The following NAALADL2 variants were observed in gnomAD, a reference collection of about 807,000 sequenced individuals.
The protein encoded by NAALADL2 is inactive N-acetylated-alpha-linked acidic dipeptidase-like protein 2.
NAALADL2 carries 76 observed loss-of-function variants against 87.2 expected under a neutral mutation model. The ratio of observed to expected loss-of-function variants is 0.87; its 90% CI spans 0.72 to 1.05. The LOEUF (loss-of-function observed/expected upper bound fraction) is 1.05, where lower values mean the gene tolerates loss of function less well. Among genes scored for constraint, NAALADL2 ranks in the 50% least tolerant of loss-of-function variants. The pLI is 0.00. For missense variants in NAALADL2, 1,089 were observed against 945.8 expected, an observed-to-expected ratio of 1.15 and a Z score of -1.99; for synonymous variants, 354 against 331.0, an observed-to-expected ratio of 1.07 and a Z score of -0.75.
rs1268823393 is a variant in NAALADL2 at position 175,794,090 on chromosome 3, CTAAAGAACAATGGA to C, written c.2190-8914_2190-8901del. On this transcript the variant is annotated intron_variant, in intron 13 of 13. Transcript: ENST00000454872. ...TGTTTGCCAGAGGTAATGGAGGTAA[CTAAAGAACAATGGA>C]AAAAGGACAATGCAAATATCTGGAG... Among the ~76,000 whole-genome samples the C allele has an allele frequency of 2.0e-5, 3 of 152,198 alleles. No homozygotes were observed. The South Asian group carries it at 6.2e-4, about 32-fold the overall frequency.
chr3:174,923,446 A>G (rs1735532276), intron 1 of NAALADL2, among the ~76,000 whole-genome samples: 3 of 152,174 alleles, frequency 2.0e-5, no homozygotes, highest in African/African-American at 7.2e-5. Flanking sequence ...TCCAATTAAT[A>G]AAAGTAGAAG....
chr3:174,964,842 T>C (rs550280982), intron 1 of NAALADL2, among the ~76,000 whole-genome samples: 3 of 151,304 alleles, frequency 2.0e-5, no homozygotes, highest in Admixed American at 2.0e-4. Context: ...TATATATATT[T>C]GTGTTTGTGT....
chr3:174,947,138 G>T (rs1478003949), intron 1 of NAALADL2, among the ~76,000 whole-genome samples: 1 of 152,080 alleles, frequency 6.6e-6, no homozygotes, highest in African/African-American at 2.4e-5. Context: ...CTCTAGGAGG[G>T]TCAAATGTAT....
intron 3 of NAALADL2, among the ~76,000 whole-genome samples, chr3:174,810,156 G>C (rs1384750340): frequency 6.6e-6 from 1 of 152,094 alleles, no homozygotes; most frequent in African/African-American, 2.4e-5. Flanking sequence ...GTGCAAGAAT[G>C]GACTAACACA....
chr3:174,647,907 AAAGG>A (rs887580207), intron 2 of NAALADL2, among the ~76,000 whole-genome samples: 2 of 152,188 alleles, frequency 1.3e-5, no homozygotes, highest in African/African-American at 4.8e-5. Flanking sequence ...AGGCAGTACA[AAAGG>A]AAGGGTTGGA....
chr3:174,505,841 G>T (rs1020213544), intron 1 of NAALADL2, among the ~76,000 whole-genome samples: 10 of 151,966 alleles, frequency 6.6e-5, no homozygotes, highest in African/African-American at 2.2e-4. Context: ...ACTTACAAAT[G>T]GTCTGTAAAA....
At chr3:175,196,971 T>G (rs568181219) in intron 2 of NAALADL2, among the ~76,000 whole-genome samples, 80 of 152,056 alleles carry the variant, frequency 5.3e-4, no homozygotes, top group Non-Finnish European at 9.3e-4. Flanking sequence ...TCCAGGTTTA[T>G]GGTATTGCAC....
chr3:174,451,327 C>T (rs1364180168), intron 1 of NAALADL2, among the ~76,000 whole-genome samples: 2 of 152,138 alleles, frequency 1.3e-5, no homozygotes, highest in Non-Finnish European at 2.9e-5. Context: ...TCATTGCTGC[C>T]TGATTTATAT....
At chr3:175,215,384 T>C (rs1247609604) in intron 2 of NAALADL2, among the ~76,000 whole-genome samples, 1 of 152,188 alleles carries the variant, frequency 6.6e-6, no homozygotes, top group African/African-American at 2.4e-5. Context: ...CACGATAGCA[T>C]TTTTCCATAC....
chr3:174,653,062 A>G (rs1300073781), intron 2 of NAALADL2, among the ~76,000 whole-genome samples: 1 of 152,210 alleles, frequency 6.6e-6, no homozygotes, highest in Non-Finnish European at 1.5e-5. Context: ...ACATGTCAGC[A>G]TTCATGTGGA....
chr3:175,292,657 G>C (rs571426709), intron 4 of NAALADL2, among the ~76,000 whole-genome samples: 9 of 151,096 alleles, frequency 6.0e-5, no homozygotes, highest in African/African-American at 7.3e-5. Context: ...TATTCATTCT[G>C]GAGTTCTGAT....
chr3:174,923,969 C>T (rs1485766033), intron 1 of NAALADL2, among the ~76,000 whole-genome samples: 1 of 152,002 alleles, frequency 6.6e-6, no homozygotes, highest in Non-Finnish European at 1.5e-5. Context: ...AGCAGCTGTT[C>T]ATGGAATTGA....
At chr3:175,716,125 TGGAATACATAA>T (rs1352338062) in intron 11 of NAALADL2, among the ~76,000 whole-genome samples, 3 of 147,300 alleles carry the variant, frequency 2.0e-5, no homozygotes. Flanking sequence ...TGTAATTTAT[TGGAATACATAA>T]GGAATACATG....
intron 2 of NAALADL2, among the ~76,000 whole-genome samples, chr3:175,146,903 G>C (rs1730830749): frequency 6.6e-6 from 1 of 151,742 alleles, no homozygotes; most frequent in South Asian, 2.1e-4. Context: ...ATCTGAAGTG[G>C]ATCAGTTATT....
intron 4 of NAALADL2, among the ~76,000 whole-genome samples, chr3:175,315,544 T>G (rs1022989362): frequency 6.6e-6 from 1 of 152,188 alleles, no homozygotes; most frequent in East Asian, 1.9e-4. Flanking sequence ...GGTAGAAATA[T>G]TCCCAATATA....
At chr3:175,182,701 G>A (rs1333818326) in intron 2 of NAALADL2, among the ~76,000 whole-genome samples, 1 of 150,954 alleles carries the variant, frequency 6.6e-6, no homozygotes, top group African/African-American at 2.4e-5. Context: ...CTGCCAAAAG[G>A]GTTTTTTGTG....
At position 174,703,163 on chromosome 3, in the gene NAALADL2, A is replaced by G. The variant is rs182731179; in HGVS notation, c.-114-34478A>G. On this transcript the variant is annotated intron_variant, in intron 2 of 3. Transcript: ENST00000434257. Reference sequence around the variant, plus strand: ...ATGTAATTTAATTATTTTTAGAGACAGGGTCTCACTTTGTTGCCCAAGGTG... The same window carrying G: ...ATGTAATTTAATTATTTTTAGAGACGGGGTCTCACTTTGTTGCCCAAGGTG... 1.4e-3 allele frequency among the ~76,000 whole-genome samples: 215 copies of G among 152,268 alleles called. 2 individuals are homozygous for G. Among genetic ancestry groups the G allele is most frequent in the African/African-American group, 5.0e-3 (207 of 41,560 alleles).
At chr3:174,522,933 CAAAAAAAAAAAAA>C (rs57653560) in intron 1 of NAALADL2, among the ~76,000 whole-genome samples, 1 of 75,838 alleles carries the variant, frequency 1.3e-5, no homozygotes, top group Non-Finnish European at 2.4e-5. Flanking sequence ...GACTCTGTCT[CAAAAAAAAAAAAA>C]AAAAAAAAAA....
At chr3:175,139,134 T>A (rs1439026929) in intron 2 of NAALADL2, among the ~76,000 whole-genome samples, 2 of 151,510 alleles carry the variant, frequency 1.3e-5, no homozygotes, top group Non-Finnish European at 2.9e-5. Context: ...AATCTCCAGG[T>A]GGAAATTAGA....
Sources: allele counts gnomAD v4.1 joint callset (sites outside exome capture counted in the v4.1 genomes callset), GRCh38; gene constraint gnomAD v4.1.1; transcripts MANE v1.5; gene names NCBI Gene and HGNC (gene_info 2026-07-23, HGNC 2026-07-21).